The following LRP2BP variants were observed in gnomAD, a reference collection of about 807,000 sequenced individuals.
LRP2BP encodes the protein LRP2-binding protein.
LRP2BP carries 38 observed loss-of-function variants against 45.2 expected under a neutral mutation model. The ratio of observed to expected loss-of-function variants is 0.84; its 90% confidence interval spans 0.65 to 1.10. LRP2BP has a LOEUF of 1.10. Ranked by LOEUF, LRP2BP falls within the 50% of genes least tolerant of loss-of-function variation. The probability of loss-of-function intolerance (pLI) is 0.00; values close to 1 mark genes in which losing one functional copy is unlikely to be tolerated. For missense variants in LRP2BP, 385 were observed against 418.9 expected (o/e 0.92, Z 0.71); for synonymous variants, 153 against 153.9 (o/e 0.99, Z 0.04).
intron 1 of LRP2BP, among the ~76,000 whole-genome samples, chr4:185,391,859 C>T (rs955732686): frequency 6.6e-6 from 1 of 152,150 alleles, no homozygotes; most frequent in Non-Finnish European, 1.5e-5. Context: ...CTGCTTTAGG[C>T]CCTCTCACAG....
intron 8 of LRP2BP, among the ~76,000 whole-genome samples, chr4:185,369,306 C>T (rs1186447014): frequency 6.9e-6 from 1 of 144,714 alleles, no homozygotes; most frequent in Non-Finnish European, 1.5e-5. Context: ...GCAACCTCTG[C>T]TCCCAGGTTG....
At chr4:185,387,392 C>T (rs1306390819) in intron 1 of LRP2BP, among the ~76,000 whole-genome samples, 1 of 152,214 alleles carries the variant, frequency 6.6e-6, no homozygotes, top group Non-Finnish European at 1.5e-5. Context: ...CATGTACACC[C>T]TACTGCAGAA....
intron 8 of LRP2BP, among the ~76,000 whole-genome samples, chr4:185,368,500 C>T (rs73873431): frequency 0.029 from 4,347 of 152,310 alleles, 90 homozygotes; most frequent in South Asian, 0.062. Context: ...CTGCGGGACA[C>T]TGCCGGTCCA....
At chr4:185,378,725 A>G (rs922276994) in intron 1 of LRP2BP, 42 of 985,714 alleles carry the variant, frequency 4.3e-5, no homozygotes, top group Non-Finnish European at 4.6e-5. Context: ...GATGGATCAC[A>G]GTTGAATGGT....
At chr4:185,393,334 G>T (rs1180595967) in intron 1 of LRP2BP, among the ~76,000 whole-genome samples, 1 of 152,128 alleles carries the variant, frequency 6.6e-6, no homozygotes, top group Non-Finnish European at 1.5e-5. Context: ...GGAATGAGTA[G>T]GTATTCTCAA....
intron 1 of LRP2BP, among the ~76,000 whole-genome samples, chr4:185,387,061 C>T (rs1454631085): frequency 1.3e-5 from 2 of 152,180 alleles, no homozygotes; most frequent in African/African-American, 4.8e-5. Flanking sequence ...GCCTGGCCAA[C>T]ATGGTGAAAC....
At chr4:185,377,072 CTT>C (rs768399066) in intron 2 of LRP2BP, 54 bp from the exon 3 acceptor site, 7 of 1,237,138 alleles carry the variant, frequency 5.7e-6, no homozygotes, top group African/African-American at 4.4e-5. Context: ...AATTTTCTCT[CTT>C]GAAGTAATGA....
chr4:185,393,148 C>T lies in LRP2BP; in HGVS notation c.-22+1631G>A, dbSNP rs1490949333. Among the ~76,000 whole-genome samples, 4 of 113,940 alleles carry T rather than the reference C, an allele frequency of 3.5e-5. No individual in the cohort carries two copies. In the Admixed American group the frequency reaches 4.1e-4, roughly 12 times the overall value. The allele number at this position is 113,940 out of a possible 152,430, so 74.7% of individuals were successfully genotyped here. ...GTTCCGCCATGTTGGCCAGGCTGATCTCGAACTCCTGGCCACAAGTGATCT... is the reference window on the plus strand; with the variant it reads ...GTTCCGCCATGTTGGCCAGGCTGATTTCGAACTCCTGGCCACAAGTGATCT... On this transcript the variant is annotated intron_variant, in intron 1 of 8. Transcript: ENST00000505916.
intron 1 of LRP2BP, among the ~76,000 whole-genome samples, chr4:185,382,847 CT>C (rs1162465444): frequency 1.3e-5 from 2 of 151,910 alleles, no homozygotes; most frequent in Non-Finnish European, 2.9e-5. Flanking sequence ...TCTATTTTTT[CT>C]TTTCTTGCCT....
intron 1 of LRP2BP, among the ~76,000 whole-genome samples, chr4:185,384,968 A>C (rs1214614303): frequency 8.4e-6 from 1 of 118,662 alleles, no homozygotes. Context: ...CTTTTTTCCC[A>C]CCCCTTCCTT....
upstream of LRP2BP, chr4:185,396,040 CG>C: frequency 2.6e-6 from 1 of 380,238 alleles, no homozygotes; most frequent in East Asian, 1.6e-4. Flanking sequence ...ACCAGCCCCG[CG>C]GGTCCGAATC....
intron 1 of LRP2BP, chr4:185,390,707 G>A (rs560463271): frequency 6.6e-6 from 1 of 152,282 alleles, no homozygotes; most frequent in East Asian, 1.9e-4. Flanking sequence ...CACGTCTTAC[G>A]AGGAAATGAA....
intron 8 of LRP2BP, among the ~76,000 whole-genome samples, chr4:185,367,548 A>C (rs1017720679): frequency 3.3e-5 from 5 of 152,208 alleles, no homozygotes; most frequent in African/African-American, 1.2e-4. Context: ...TAAAATGGAG[A>C]GCATTAACAT....
chr4:185,385,911 G>T (rs371617957), intron 1 of LRP2BP, among the ~76,000 whole-genome samples: 5 of 144,034 alleles, frequency 3.5e-5, no homozygotes, highest in East Asian at 4.0e-4. Context: ...GGGGAGGGGG[G>T]GGGGGAGATA....
rs1187546560 is a variant in LRP2BP, at chr4:185,374,173, G to C, written c.541C>G (p.Leu181Val). 1.2e-6 allele frequency: 2 copies of C among 1,614,086 alleles called. No homozygotes were observed. The change falls in exon 6 of 9, where the codon CTG becomes GTG. Residue 181 changes from leucine (L) to valine (V), a missense_variant. Leu to Val is a conservative substitution (Grantham distance 32). Transcript: ENST00000505916. Reference protein sequence around the residue: ...ASVKAQSMLGLYYSTKEPKEL... With the variant: ...ASVKAQSMLGVYYSTKEPKEL... Reference sequence around the variant, plus strand: ...TTGGGCTCCTTGGTTGAGTAATACAGCCCGAGCATACTTTGAGCCTTCACA... The same window carrying C: ...TTGGGCTCCTTGGTTGAGTAATACACCCCGAGCATACTTTGAGCCTTCACA...
intron 8 of LRP2BP, 86 bp downstream of exon 8, chr4:185,370,554 A>C: frequency 5.0e-6 from 7 of 1,393,154 alleles, no homozygotes; most frequent in Non-Finnish European, 6.9e-6. Flanking sequence ...AGTAGAAAAA[A>C]CACTAATCCG....
At position 185,369,464 on chromosome 4, in the gene LRP2BP, G is replaced by A. The variant is rs934835984; in HGVS notation, c.978+1176C>T. ...TCACCATGTTGGCCAGGCTGGTCTC[G>A]AACTCCTGACCTCAAGTGATCTGCC... On this transcript the variant is annotated intron_variant, in intron 8 of 8. Transcript: ENST00000505916. Among the ~76,000 whole-genome samples, 24 of 150,210 alleles carry A rather than the reference G, an allele frequency of 1.6e-4. No individual in the cohort carries two copies. In the East Asian group the frequency reaches 3.0e-3, roughly 19 times the overall value.
intron 8 of LRP2BP, among the ~76,000 whole-genome samples, chr4:185,367,624 T>C (rs1041507571): frequency 2.6e-5 from 4 of 152,234 alleles, no homozygotes; most frequent in Non-Finnish European, 5.9e-5. Flanking sequence ...TATTTTAAAA[T>C]ATACAGCTAA....
Position 185,387,292 on chromosome 4 carries a change from G to A in LRP2BP, c.-22+7487C>T, listed in dbSNP as rs139618174. 4.5e-3 allele frequency among the ~76,000 whole-genome samples: 683 copies of A among 152,282 alleles called. 6 individuals are homozygous for A. The highest frequency in any genetic ancestry group is 0.015 in the African/African-American group (632 of 41,556). ...GGATTATGTGCAGGTATATAAGGCC[G>A]TATCCGAAACCTTGGGAACAGAAAT... is the stretch of plus-strand genomic sequence containing the variant. On this transcript the variant is annotated intron_variant, in intron 1 of 8. Transcript: ENST00000505916.
Sources: allele counts gnomAD v4.1 joint callset (sites outside exome capture counted in the v4.1 genomes callset), GRCh38; gene constraint gnomAD v4.1.1; transcripts MANE v1.5; gene names NCBI Gene and HGNC (gene_info 2026-07-23, HGNC 2026-07-21).